COL11A1: variants seen among roughly 807,000 people sequenced by gnomAD.
COL11A1 encodes the protein collagen type XI alpha 1 chain, also known as collagen alpha-1(XI) chain.
A neutral mutation model predicts 265.2 loss-of-function variants in COL11A1; 74 were observed. That is an observed-to-expected ratio of 0.28 (90% CI 0.23 to 0.34). The LOEUF is 0.34. COL11A1 is among the 10% of genes least tolerant of loss of function. COL11A1 has a pLI of 1.00. For synonymous variants in COL11A1, 816 were observed against 727.6 expected (o/e 1.12, Z -1.96); for missense variants, 2,165 against 2,263.6 (o/e 0.96, Z 0.88).
At chr1:103,047,821 G>T (rs1347816621) in intron 4 of COL11A1, among the ~76,000 whole-genome samples, 1 of 152,172 alleles carries the variant, frequency 6.6e-6, no homozygotes, top group African/African-American at 2.4e-5. Flanking sequence ...AAGGGTTGTT[G>T]AATTTTGTCA....
chr1:102,965,234 A>T (rs1365103395), intron 38 of COL11A1, among the ~76,000 whole-genome samples: 1 of 152,154 alleles, frequency 6.6e-6, no homozygotes, highest in Admixed American at 6.6e-5. Context: ...ATTCAGTGTG[A>T]ACTTTCTGAT....
intron 49 of COL11A1, among the ~76,000 whole-genome samples, chr1:102,916,057 T>C (rs911214333): frequency 6.6e-6 from 1 of 152,188 alleles, no homozygotes; most frequent in Non-Finnish European, 1.5e-5. Context: ...TTTCAAATTG[T>C]TGTTTGCTAA....
chr1:103,106,274 G>A (rs891982189), intron 1 of COL11A1, among the ~76,000 whole-genome samples: 22 of 152,070 alleles, frequency 1.4e-4, no homozygotes, highest in African/African-American at 5.1e-4. Context: ...AGTGTCTCTC[G>A]GAGCTTGTAT....
rs1272015455 is a variant in COL11A1, at chr1:102,915,689, A to G, written c.3763-5T>C. 3 of 1,605,810 alleles carry G rather than the reference A, an allele frequency of 1.9e-6. No individual in the cohort carries two copies. Among genetic ancestry groups the G allele is most frequent in the African/African-American group, 1.3e-5 (1 of 74,770 alleles). On this transcript the variant is annotated splice_region_variant and splice_polypyrimidine_tract_variant and intron_variant, in intron 49 of 66. Coordinates refer to ENST00000370096, the MANE Select transcript of COL11A1 (RefSeq NM_001854.4). Reference sequence around the variant, plus strand: ...CCCTGCTTCTCCAGGTTCACCCTATATAGAGAAGATCAAATTAGTATTAGA... The same window carrying G: ...CCCTGCTTCTCCAGGTTCACCCTATGTAGAGAAGATCAAATTAGTATTAGA...
At chr1:102,960,488 G>A (rs1403211323) in intron 41 of COL11A1, among the ~76,000 whole-genome samples, 1 of 112,522 alleles carries the variant, frequency 8.9e-6, no homozygotes, top group African/African-American at 4.5e-5. Context: ...GTGTGTGTGT[G>A]GGGGGGGGAA....
At chr1:103,070,125 C>A (rs1388424619) in intron 4 of COL11A1, among the ~76,000 whole-genome samples, 3 of 150,384 alleles carry the variant, frequency 2.0e-5, no homozygotes, top group African/African-American at 7.3e-5. Flanking sequence ...GATGCCATAA[C>A]CTGGAAGTAA....
chr1:102,959,075 T>C (rs991903509), intron 41 of COL11A1, among the ~76,000 whole-genome samples: 2 of 152,212 alleles, frequency 1.3e-5, no homozygotes, highest in Admixed American at 6.5e-5. Flanking sequence ...CTCACTCCAA[T>C]GTTGACATTG....
intron 46 of COL11A1, among the ~76,000 whole-genome samples, chr1:102,927,443 G>T (rs913359735): frequency 1.3e-5 from 2 of 152,154 alleles, no homozygotes; most frequent in African/African-American, 2.4e-5. Flanking sequence ...ACGGCCAGGC[G>T]CAGTGGCTCA....
intron 4 of COL11A1, among the ~76,000 whole-genome samples, chr1:103,038,939 A>T (rs890393495): frequency 6.6e-6 from 1 of 152,158 alleles, no homozygotes; most frequent in Non-Finnish European, 1.5e-5. Flanking sequence ...GGAAATATGG[A>T]GCAAAGTGTT....
intron 29 of COL11A1, among the ~76,000 whole-genome samples, chr1:102,988,018 C>G (rs926253395): frequency 2.6e-5 from 4 of 152,058 alleles, no homozygotes; most frequent in Non-Finnish European, 4.4e-5. Flanking sequence ...GGTGTGAATT[C>G]CACTAAAATG....
chr1:103,030,676 A>G (rs1036985953), intron 5 of COL11A1, among the ~76,000 whole-genome samples: 1 of 152,116 alleles, frequency 6.6e-6, no homozygotes, highest in Non-Finnish European at 1.5e-5. Flanking sequence ...TAATTGTTCA[A>G]CACAGCCTGA....
intron 54 of COL11A1, among the ~76,000 whole-genome samples, chr1:102,905,292 G>T (rs1320531798): frequency 1.3e-5 from 2 of 150,784 alleles, no homozygotes; most frequent in Non-Finnish European, 3.0e-5. Flanking sequence ...GTTACTGGGT[G>T]CAGCACACCA....
At chr1:102,912,729 G>C (rs928446842) in intron 53 of COL11A1, among the ~76,000 whole-genome samples, 4 of 152,146 alleles carry the variant, frequency 2.6e-5, no homozygotes, top group Admixed American at 2.0e-4. Context: ...GACCCAGTGG[G>C]AGGTAATTGA....
Position 103,031,262 on chromosome 1 carries a change from A to C in COL11A1, c.652-18T>G, listed in dbSNP as rs200309861. On this transcript the variant is annotated intron_variant, in intron 4 of 66. Coordinates refer to ENST00000370096, the MANE Select transcript of COL11A1 (RefSeq NM_001854.4). ...ATGTCCCCCTGGGAAAAAAAAAAAA[A>C]CAAAAACAAACAGACACAGATTCAG... 7.9e-5 allele frequency: 121 copies of C among 1,524,232 alleles called. No homozygotes were observed. The highest frequency in any genetic ancestry group is 8.0e-5 in the South Asian group (7 of 88,044). The allele number at this position is 1,524,232 out of a possible 1,614,324, so 94.4% of individuals were successfully genotyped here. A position where few individuals can be genotyped will look rare whatever the true frequency, so the allele number is the denominator to read the frequency against.
Position 102,978,770 on chromosome 1 carries a change from A to G in COL11A1, c.2710-18T>C, listed in dbSNP as rs1356364925. ...GAAGTGCCCTGGCACCAAGAAAAGA[A>G]AAGAAAAATCAGTTTGAATTCTTTC... On this transcript the variant is annotated intron_variant, in intron 34 of 66. Coordinates refer to ENST00000370096, the MANE Select transcript of COL11A1 (RefSeq NM_001854.4). 1.9e-6 allele frequency: 3 copies of G among 1,614,188 alleles called. No homozygotes were observed. The South Asian group carries it at 3.3e-5, about 18-fold the overall frequency.
At chr1:103,022,253 AATATG>A (rs1667156870) in intron 8 of COL11A1, among the ~76,000 whole-genome samples, 1 of 152,120 alleles carries the variant, frequency 6.6e-6, no homozygotes, top group Admixed American at 6.6e-5. Flanking sequence ...TGAAGGCTTA[AATATG>A]GCAAAAATTA....
intron 11 of COL11A1, 146 bp downstream of exon 11, chr1:103,017,674 C>A: frequency 1.4e-6 from 1 of 706,800 alleles, no homozygotes; most frequent in Non-Finnish European, 2.6e-6. Context: ...AAAATGTTAA[C>A]TAAAATGTTG....
chr1:103,030,618 C>A (rs947611319), intron 5 of COL11A1, among the ~76,000 whole-genome samples: 3 of 151,320 alleles, frequency 2.0e-5, no homozygotes, highest in Non-Finnish European at 4.4e-5. Flanking sequence ...CCTTCCATTT[C>A]ACATGCTTTT....
intron 10 of COL11A1, 35 bp from the exon 11 acceptor site, chr1:103,017,917 C>G: frequency 5.4e-6 from 8 of 1,470,358 alleles, no homozygotes; most frequent in Non-Finnish European, 7.6e-6. Flanking sequence ...AATCAGATTC[C>G]TAATCTCATT....
Sources: gnomAD v4.1 joint callset for allele counts (sites outside exome capture counted in the v4.1 genomes callset) on GRCh38, gnomAD v4.1.1 for gene constraint, MANE v1.5 for transcripts, NCBI Gene and HGNC (gene_info 2026-07-23, HGNC 2026-07-21) for gene names.